Variants in TLK1 observed in about 807,000 individuals in gnomAD.
TLK1 encodes the protein serine/threonine-protein kinase tousled-like 1.
Under a neutral mutation model 105.3 loss-of-function variants are expected in TLK1, and 24 were observed. The ratio of observed to expected loss-of-function variants is 0.23; its 90% CI spans 0.17 to 0.32. The LOEUF (loss-of-function observed/expected upper bound fraction) is 0.32. TLK1 is among the 10% of genes least tolerant of loss of function. The pLI, the probability that TLK1 is intolerant of heterozygous loss-of-function variation, is 1.00. For missense variants in TLK1, 558 were observed against 910.5 expected (o/e 0.61, Z 4.98); for synonymous variants, 321 against 310.4 (o/e 1.03, Z -0.36).
intron 2 of TLK1, among the ~76,000 whole-genome samples, chr2:171,098,806 T>C (rs1689569089): frequency 6.6e-6 from 1 of 152,170 alleles, no homozygotes; most frequent in Non-Finnish European, 1.5e-5. Flanking sequence ...GAATGCAAGG[T>C]TAGTTCAACA....
intron 3 of TLK1, among the ~76,000 whole-genome samples, chr2:171,071,983 C>T (rs576740531): frequency 1.3e-5 from 2 of 152,232 alleles, no homozygotes; most frequent in Admixed American, 1.3e-4. Flanking sequence ...CAGTACAATG[C>T]TGTTTTGATT....
chr2:171,093,360 T>C (rs1402588435), intron 2 of TLK1, among the ~76,000 whole-genome samples: 1 of 152,116 alleles, frequency 6.6e-6, no homozygotes, highest in Non-Finnish European at 1.5e-5. Context: ...GGCAATTAGA[T>C]GGAATGAGGT....
At chr2:171,010,289 C>A (rs1449158130) in intron 14 of TLK1, among the ~76,000 whole-genome samples, 1 of 151,946 alleles carries the variant, frequency 6.6e-6, no homozygotes, top group East Asian at 1.9e-4. Flanking sequence ...CTTGAGGGAC[C>A]AGGCAGATGA....
rs373818935 is a variant in TLK1 at position 171,134,980 on chromosome 2, G to A, written c.140-17123C>T. Among the ~76,000 whole-genome samples the A allele has an allele frequency of 3.3e-5, 5 of 152,000 alleles. No individual in the cohort carries two copies. In the South Asian group the frequency reaches 1.0e-3, roughly 32 times the overall value. On this transcript the variant is annotated intron_variant, in intron 1 of 20. Transcript: ENST00000431350. ...TTAGAGGACAAAGTAAAATAAGCCAGGCACAGAAAGACAAATACCACATAA... is the reference window on the plus strand; with the variant it reads ...TTAGAGGACAAAGTAAAATAAGCCAAGCACAGAAAGACAAATACCACATAA...
At chr2:171,014,634 C>A (rs969727685) in intron 13 of TLK1, among the ~76,000 whole-genome samples, 2 of 152,000 alleles carry the variant, frequency 1.3e-5, no homozygotes, top group Non-Finnish European at 2.9e-5. Flanking sequence ...CACAAAAGCC[C>A]ACTGAGAAGG....
intron 1 of TLK1, among the ~76,000 whole-genome samples, chr2:171,200,276 C>A (rs906541326): frequency 3.9e-5 from 6 of 152,072 alleles, no homozygotes; most frequent in African/African-American, 1.4e-4. Context: ...CCTTCAAGTG[C>A]TTGTTTTTTC....
intron 1 of TLK1, among the ~76,000 whole-genome samples, chr2:171,174,882 T>C (rs1027915441): frequency 6.6e-6 from 1 of 152,126 alleles, no homozygotes; most frequent in African/African-American, 2.4e-5. Context: ...CTTTTAGTAA[T>C]ATTACCCTTA....
intron 1 of TLK1, among the ~76,000 whole-genome samples, chr2:171,135,319 GTATATATA>G (rs201751767): frequency 1.6e-4 from 11 of 70,310 alleles, no homozygotes; most frequent in South Asian, 2.8e-4. Context: ...GTGTGTGTGT[GTATATATA>G]TATATATATA....
At position 170,993,698 on chromosome 2, in the gene TLK1, A is replaced by AAAAC. The variant is rs1292586694; in HGVS notation, c.*78_*81dup. The AAAAC allele has an allele frequency of 8.6e-7, 1 of 1,168,874 alleles. No homozygotes were observed. The highest frequency in any genetic ancestry group is 2.8e-5 in the Admixed American group (1 of 35,776). The allele number at this position is 1,168,874 out of a possible 1,614,324, so 72.4% of individuals were successfully genotyped here. A position where few individuals can be genotyped will look rare whatever the true frequency, so the allele number is the denominator to read the frequency against. ...AAAAAAAAAAAAAAAAAAGAAAAAG[A>AAAAC]AAACAAACACTCAAATGCTCTCAAA... On this transcript the variant is annotated 3_prime_UTR_variant, in exon 21 of 21. Transcript: ENST00000431350.
At chr2:171,024,612 T>C (rs1375595231) in intron 12 of TLK1, among the ~76,000 whole-genome samples, 2 of 152,182 alleles carry the variant, frequency 1.3e-5, no homozygotes, top group African/African-American at 2.4e-5. Flanking sequence ...ACTATTAATC[T>C]ACAACAAAAT....
At chr2:171,061,656 T>C (rs544997771) in intron 3 of TLK1, among the ~76,000 whole-genome samples, 3 of 152,352 alleles carry the variant, frequency 2.0e-5, no homozygotes, top group African/African-American at 7.2e-5. Context: ...TGGCAATTAT[T>C]ATCCAACCGT....
At chr2:171,146,461 T>C (rs1459164211) in intron 1 of TLK1, among the ~76,000 whole-genome samples, 3 of 152,182 alleles carry the variant, frequency 2.0e-5, no homozygotes, top group Non-Finnish European at 4.4e-5. Context: ...ACAACTGGTA[T>C]TGAATTCAAT....
At position 170,993,628 on chromosome 2, in the gene TLK1, G is replaced by A. The variant is rs1683888692; in HGVS notation, c.*152C>T. 3 of 581,948 alleles carry A rather than the reference G, an allele frequency of 5.2e-6. No individual in the cohort carries two copies. The South Asian group carries it at 1.2e-4, about 24-fold the overall frequency. 36.0% of individuals were successfully genotyped at this position (581,948 alleles called of 1,614,324 possible). On this transcript the variant is annotated 3_prime_UTR_variant, in exon 21 of 21. Coordinates refer to ENST00000431350, the MANE Select transcript of TLK1 (RefSeq NM_012290.5). ...CTCTCTCATACAAATGACACTATGA[G>A]GAACTTCAGTTCACAAACAGTTCTT...
chr2:171,067,915 T>C (rs1304361719), intron 3 of TLK1, among the ~76,000 whole-genome samples: 1 of 152,220 alleles, frequency 6.6e-6, no homozygotes, highest in Non-Finnish European at 1.5e-5. Flanking sequence ...AATGATGGTT[T>C]CCAGCTTCAT....
intron 1 of TLK1, among the ~76,000 whole-genome samples, chr2:171,225,655 A>C (rs748805852): frequency 1.2e-4 from 18 of 152,110 alleles, no homozygotes; most frequent in Non-Finnish European, 1.8e-4. Context: ...ACAAAAAAAA[A>C]CCCTAACGTT....
At chr2:171,211,960 C>T (rs567916943) in intron 1 of TLK1, among the ~76,000 whole-genome samples, 5 of 152,178 alleles carry the variant, frequency 3.3e-5, no homozygotes, top group South Asian at 4.2e-4. Context: ...ATTCTCCTGC[C>T]TCAGTCACCC....
At chr2:171,171,733 C>T (rs1692733413) in intron 1 of TLK1, among the ~76,000 whole-genome samples, 1 of 151,974 alleles carries the variant, frequency 6.6e-6, no homozygotes, top group Non-Finnish European at 1.5e-5. Context: ...TCAACAACAG[C>T]AAAACAATTA....
At chr2:171,097,090 A>G (rs1314520586) in intron 2 of TLK1, among the ~76,000 whole-genome samples, 1 of 152,254 alleles carries the variant, frequency 6.6e-6, no homozygotes, top group Admixed American at 6.5e-5. Context: ...CTACAAAGTA[A>G]TAATAATCAA....
rs116030394 is a variant in TLK1 at position 171,142,415 on chromosome 2, G to A, written c.139+17875C>T. Among the ~76,000 whole-genome samples, 1,469 of 152,154 alleles carry A rather than the reference G, an allele frequency of 9.7e-3. 25 individuals are homozygous for A. Among genetic ancestry groups the A allele is most frequent in the African/African-American group, 0.033 (1,350 of 41,514 alleles). On this transcript the variant is annotated intron_variant, in intron 1 of 20. Coordinates refer to ENST00000431350, the MANE Select transcript of TLK1 (RefSeq NM_012290.5). ...AACTTAAAAGATATGGCTAAAACGCGAAAGCTGAAAGAATGGAAAAAGCTG... is the reference window on the plus strand; with the variant it reads ...AACTTAAAAGATATGGCTAAAACGCAAAAGCTGAAAGAATGGAAAAAGCTG...
Sources: gnomAD v4.1 joint callset for allele counts (sites outside exome capture counted in the v4.1 genomes callset) on GRCh38, gnomAD v4.1.1 for gene constraint, MANE v1.5 for transcripts, NCBI Gene and HGNC (gene_info 2026-07-23, HGNC 2026-07-21) for gene names.